Variants in ERCC2 observed in about 807,000 individuals in gnomAD.
ERCC2 encodes ERCC excision repair 2, TFIIH core complex helicase subunit, also known as general transcription and DNA repair factor IIH helicase subunit XPD.
Under a neutral mutation model 99.4 loss-of-function variants are expected in ERCC2, and 90 were observed. That is an observed-to-expected ratio of 0.91 (90% CI 0.76 to 1.08). ERCC2 has a LOEUF of 1.08. Among genes scored for constraint, ERCC2 ranks in the 50% least tolerant of loss-of-function variants. The probability of loss-of-function intolerance (pLI) is 0.00; values close to 1 mark genes in which losing one functional copy is unlikely to be tolerated. For missense variants in ERCC2, 993 were observed against 1,038.1 expected (o/e 0.96, Z 0.60); for synonymous variants, 497 against 432.4 (o/e 1.15, Z -1.85).
rs561464436 is a variant in ERCC2 at position 45,351,352 on chromosome 19, C to T, written c.*277G>A. 13 of 1,610,820 alleles carry T rather than the reference C, an allele frequency of 8.1e-6. No individual in the cohort carries two copies. The highest frequency in any genetic ancestry group is 5.3e-5 in the African/African-American group (4 of 74,888). ...CGCCAGCACCCAGGACCTGAGCCCC[C>T]ACTAACGTCCAGTGAACTGCGCTGG... On this transcript the variant is annotated 3_prime_UTR_variant, in exon 23 of 23. Coordinates refer to ENST00000391945, the MANE Select transcript of ERCC2 (RefSeq NM_000400.4).
rs757148672 is a variant in ERCC2, at chr19:45,350,391, C to CAAAG, written c.*1234_*1237dup. 3.7e-6 allele frequency: 6 copies of CAAAG among 1,613,834 alleles called. No individual in the cohort carries two copies. The East Asian group carries it at 1.1e-4, about 30-fold the overall frequency. ...AGTATCAACAAGCGGAAGAGCTGTA[C>CAAAG]AAAGAAATCCTCCACAAGGAGGACC... On this transcript the variant is annotated 3_prime_UTR_variant, in exon 23 of 23. Coordinates refer to ENST00000391945, the MANE Select transcript of ERCC2 (RefSeq NM_000400.4).
Position 45,351,216 on chromosome 19 carries a change from TGG to T in ERCC2, c.*411_*412del. On this transcript the variant is annotated 3_prime_UTR_variant, in exon 23 of 23. Transcript: ENST00000391945. ...GGATAGTTGGCTGCCAGGCTGGACC[TGG>T]AGCTGGAGGGTGGATGTAACACTTG... 1 of 1,589,858 alleles carries T rather than the reference TGG, an allele frequency of 6.3e-7. No individual in the cohort carries two copies. The highest frequency in any genetic ancestry group is 8.6e-7 in the Non-Finnish European group (1 of 1,167,560).
At position 45,361,623 on chromosome 19, in the gene ERCC2, G is replaced by A. The variant is rs756071720; in HGVS notation, c.1138C>T (p.Arg380Trp). 4 of 1,613,714 alleles carry A rather than the reference G, an allele frequency of 2.5e-6. No homozygotes were observed. Among genetic ancestry groups the A allele is most frequent in the Non-Finnish European group, 3.4e-6 (4 of 1,179,676 alleles). Residue 380 changes from arginine (R) to tryptophan (W), a missense_variant, in exon 12 of 23, where the codon CGG (arginine) becomes TGG (tryptophan). By Grantham distance (101) the Arg-to-Trp change is moderately radical. Around this residue, in one of 3 missense-constraint regions of ERCC2, gnomAD observed 909 missense variants for 930.8 expected, o/e 0.98. Coordinates refer to ENST00000391945, the MANE Select transcript of ERCC2 (RefSeq NM_000400.4). ...KPLRFCAERL[R>W]SLLHTLEITD... Reference sequence around the variant, plus strand: ...ATCTCCAGAGTATGCAGCAGGGACCGGAGGCGTTCAGCACAGAATCTGGCG... The same window carrying A: ...ATCTCCAGAGTATGCAGCAGGGACCAGAGGCGTTCAGCACAGAATCTGGCG...
intron 2 of ERCC2, 137 bp downstream of exon 2, chr19:45,369,996 G>A: frequency 1.3e-6 from 1 of 753,050 alleles, no homozygotes; most frequent in Admixed American, 2.5e-5. Flanking sequence ...TATTGTTTTA[G>A]ATAACGGAAG....
rs1156993919 is a variant in ERCC2, at chr19:45,368,657, G to C, written c.333C>G (p.Ser111=). The C allele has an allele frequency of 6.2e-7, 1 of 1,613,806 alleles. No individual in the cohort carries two copies. Among genetic ancestry groups the C allele is most frequent in the Non-Finnish European group, 8.5e-7 (1 of 1,179,786 alleles). ...CAGGGTGAATACACAAGTTTTTGCG[G>C]GAGCTCAGAGCCAGTCCCAGAAACG... ...KLPFLGLALS[S]RKNLCIHPEV... is the part of the protein sequence containing the mutation. The change falls in exon 5 of 23, where the codon TCC becomes TCG. Residue 111 remains serine, a synonymous_variant. Transcript: ENST00000391945.
chr19:45,353,195 C>T, intron 18 of ERCC2, 40 bp from the exon 19 acceptor site: 2 of 1,612,716 alleles, frequency 1.2e-6, no homozygotes, highest in Non-Finnish European at 1.7e-6. Flanking sequence ...GGTCACTCCT[C>T]AGAGCCACCT....
At chr19:45,352,424 C>T (rs1401753579) in intron 21 of ERCC2, 72 bp from the exon 22 acceptor site, 3 of 1,613,712 alleles carry the variant, frequency 1.9e-6, no homozygotes, top group African/African-American at 2.7e-5. Context: ...CCCTGCAACC[C>T]ACCCCACCTG....
intron 11 of ERCC2, among the ~76,000 whole-genome samples, chr19:45,363,145 C>T (rs1972283389): frequency 6.6e-6 from 1 of 152,176 alleles, no homozygotes; most frequent in Non-Finnish European, 1.5e-5. Context: ...GAAAAGCCCC[C>T]TCGTATCCCT....
rs1971722912 is a variant in ERCC2 at position 45,350,847 on chromosome 19, C to T, written c.*782G>A. The T allele has an allele frequency of 1.4e-6, 2 of 1,420,028 alleles. No homozygotes were observed. Among genetic ancestry groups the T allele is most frequent in the Non-Finnish European group, 2.0e-6 (2 of 1,016,014 alleles). 88.0% of individuals were successfully genotyped at this position (1,420,028 alleles called of 1,614,324 possible). A position where few individuals can be genotyped will look rare whatever the true frequency, so the allele number is the denominator to read the frequency against. ...TTGCTCAAGAACCTTCCATGGCTCCCATCTCCCCTGTGATACACACAGATC... is the reference window on the plus strand; with the variant it reads ...TTGCTCAAGAACCTTCCATGGCTCCTATCTCCCCTGTGATACACACAGATC... On this transcript the variant is annotated 3_prime_UTR_variant, in exon 23 of 23. Transcript: ENST00000391945.
Position 45,369,065 on chromosome 19 carries a change from C to T in ERCC2, c.183+5G>A. On this transcript the variant is annotated splice_donor_5th_base_variant and intron_variant, in intron 3 of 22. Coordinates refer to ENST00000391945, the MANE Select transcript of ERCC2 (RefSeq NM_000400.4). The stretch of plus-strand genomic sequence containing the variant: ...CTGCCTTTACGGGTTCAGCGCATCA[C>T]TCACTCTCTGGTATGCCATGATCAG... 6.2e-7 allele frequency: 1 copy of T among 1,614,182 alleles called. No homozygotes were observed. Among genetic ancestry groups the T allele is most frequent in the Non-Finnish European group, 8.5e-7 (1 of 1,179,996 alleles).
Position 45,350,554 on chromosome 19 carries a change from G to T in ERCC2, c.*1075C>A, listed in dbSNP as rs777237318. ...GCACAGCTGGTGACGCAGAACAGGT[G>T]AGGATGGGCTGTGCTTCGGCTCCTG... On this transcript the variant is annotated 3_prime_UTR_variant, in exon 23 of 23. Transcript: ENST00000391945. 1 of 1,613,864 alleles carries T rather than the reference G, an allele frequency of 6.2e-7. No individual in the cohort carries two copies. The highest frequency in any genetic ancestry group is 8.5e-7 in the Non-Finnish European group (1 of 1,180,004).
At chr19:45,355,127 C>T (rs1033287579) in intron 16 of ERCC2, among the ~76,000 whole-genome samples, 21 of 152,312 alleles carry the variant, frequency 1.4e-4, no homozygotes, top group African/African-American at 4.8e-4. Flanking sequence ...GAGGCCGAGG[C>T]GGGTGGATCA....
In ERCC2 at chr19:45,352,885, C is replaced by T. The variant is rs562037765; in HGVS notation, c.1832-69G>A. 3.9e-5 allele frequency: 57 copies of T among 1,476,970 alleles called. 1 individual carries two copies. In the Admixed American group the frequency reaches 5.3e-4, roughly 14 times the overall value. The allele number at this position is 1,476,970 out of a possible 1,614,324, so 91.5% of individuals were successfully genotyped here. A position where few individuals can be genotyped will look rare whatever the true frequency, so the allele number is the denominator to read the frequency against. ...CTGGTGGGACAGGGACAGCCTCACG[C>T]GACCCAGGATGCTGTGTCTGAGTTG... On this transcript the variant is annotated intron_variant, in intron 19 of 22. Transcript: ENST00000391945.
In ERCC2 at chr19:45,364,869, C is replaced by A; in HGVS notation, c.563G>T (p.Gly188Val). The A allele has an allele frequency of 6.2e-7, 1 of 1,613,996 alleles. No individual in the cohort carries two copies. Among genetic ancestry groups the A allele is most frequent in the Non-Finnish European group, 8.5e-7 (1 of 1,179,890 alleles). ...TCGAGCAAGGAAGTATGGGCACCAG[C>A]CCTGGCGCCGCCCCAGGGCCTTCAG... ...DDLKALGRRQGWCPYFLARYS... is the reference protein window; with the variant it reads ...DDLKALGRRQVWCPYFLARYS... The change falls in exon 7 of 23, where the codon GGC (glycine) becomes GTC (valine). Residue 188 changes from glycine (G) to valine (V), a missense_variant. By Grantham distance (109) the Gly-to-Val change is moderately radical. Coordinates refer to ENST00000391945, the MANE Select transcript of ERCC2 (RefSeq NM_000400.4).
Position 45,357,531 on chromosome 19 carries a change from G to C in ERCC2, c.1320C>G (p.Ala440=), listed in dbSNP as rs1972053838. 1.9e-6 allele frequency: 3 copies of C among 1,614,074 alleles called. No individual in the cohort carries two copies. The highest frequency in any genetic ancestry group is 2.5e-6 in the Non-Finnish European group (3 of 1,180,042). The part of the protein sequence containing the change: ...NPILHFSCMD[A]SLAIKPVFER... Reference sequence around the variant, plus strand: ...CAAATACGGGTTTGATGGCCAGCGAGGCGTCCATGCAGCTGGAGAGAGATG... The same window carrying C: ...CAAATACGGGTTTGATGGCCAGCGACGCGTCCATGCAGCTGGAGAGAGATG... The change falls in exon 14 of 23, where the codon GCC becomes GCG. Residue 440 remains alanine (A), a synonymous_variant. Transcript: ENST00000391945.
rs1322143480 is a variant in ERCC2, at chr19:45,369,105, C to T, written c.148G>A (p.Val50Ile). The T allele has an allele frequency of 3.7e-6, 6 of 1,614,084 alleles. No individual in the cohort carries two copies. Among genetic ancestry groups the T allele is most frequent in the Non-Finnish European group, 5.1e-6 (6 of 1,180,040 alleles). ...LEMPSGTGKT[V>I]SLLALIMAYQ... ...GCCATGATCAGGGCCAACAGGGATA[C>T]TGTCTTCCCGGTGCCTGAGGGCATC... is the stretch of plus-strand genomic sequence containing the variant. The change falls in exon 3 of 23, where the codon GTA becomes ATA. Residue 50 changes from valine (V) to isoleucine (I), a missense_variant. Transcript: ENST00000391945.
chr19:45,363,999 G>A lies in ERCC2; in HGVS notation c.936C>T (p.Asp312=), dbSNP rs747301897. 28 of 1,544,014 alleles carry A rather than the reference G, an allele frequency of 1.8e-5. No homozygotes were observed. Among genetic ancestry groups the A allele is most frequent in the Non-Finnish European group, 2.4e-5 (27 of 1,147,392 alleles). ...GTCGGGGCTCACCCTGCAGCACTTC[G>A]TCGGGCAGCACGGGGTTGGCCAGGT... The part of the protein sequence containing the change: ...DAHLANPVLP[D]EVLQEAVPGS... Residue 312 remains aspartate (D), a synonymous_variant, in exon 10 of 23, where the codon GAC becomes GAT. Transcript: ENST00000391945.
chr19:45,353,308 G>A lies in ERCC2; in HGVS notation c.1692C>T (p.Asn564=). 1 of 1,614,046 alleles carries A rather than the reference G, an allele frequency of 6.2e-7. No homozygotes were observed. Among genetic ancestry groups the A allele is most frequent in the Non-Finnish European group, 8.5e-7 (1 of 1,179,966 alleles). ...CCTGGGTCTCAATAAAGAGCAGCTT[G>A]TTCCTCTGGATGTTCTCAAGGATCC... The part of the protein sequence containing the change: ...EQGILENIQR[N]KLLFIETQDG... The change falls in exon 18 of 23, where the codon AAC becomes AAT. Residue 564 remains asparagine, a synonymous_variant. Transcript: ENST00000391945.
At chr19:45,351,933 T>C (rs1328643889) in intron 22 of ERCC2, among the ~76,000 whole-genome samples, 1 of 152,154 alleles carries the variant, frequency 6.6e-6, no homozygotes, top group African/African-American at 2.4e-5. Flanking sequence ...AAGGACCGGC[T>C]TTCTCCAGGC....
Sources: allele counts gnomAD v4.1 joint callset (sites outside exome capture counted in the v4.1 genomes callset), GRCh38; gene constraint gnomAD v4.1.1; regional missense constraint gnomAD v4.1.1; transcripts MANE v1.5; gene names NCBI Gene and HGNC (gene_info 2026-07-23, HGNC 2026-07-21).